GUCA1C: variants seen among roughly 807,000 people sequenced by gnomAD.
GUCA1C encodes the protein guanylate cyclase activator 1C.
In GUCA1C, 15 loss-of-function variants were observed where a neutral mutation model predicts 16.2. The ratio of observed to expected loss-of-function variants is 0.93; its 90% CI spans 0.62 to 1.43. GUCA1C has a LOEUF of 1.43. GUCA1C is among the 40% of genes most tolerant of loss of function. The probability of loss-of-function intolerance (pLI) is 0.00; values close to 1 mark genes in which losing one functional copy is unlikely to be tolerated. For missense variants in GUCA1C, 275 were observed against 244.8 expected (o/e 1.12, Z -0.82); for synonymous variants, 78 against 85.4 (o/e 0.91, Z 0.48).
At chr3:108,934,806 A>ATTTT (rs1946706228) in intron 1 of GUCA1C, among the ~76,000 whole-genome samples, 1 of 79,148 alleles carries the variant, frequency 1.3e-5, no homozygotes, top group African/African-American at 4.9e-5. Context: ...TATGTTCTTG[A>ATTTT]TCTTTTTTTT....
chr3:108,918,372 A>G (rs796657014), intron 2 of GUCA1C, among the ~76,000 whole-genome samples: 7 of 152,274 alleles, frequency 4.6e-5, no homozygotes, highest in African/African-American at 1.7e-4. Flanking sequence ...TGATCTATGG[A>G]AAACACCCTA....
chr3:108,944,586 T>C (rs1417240716), intron 1 of GUCA1C, among the ~76,000 whole-genome samples: 5 of 152,200 alleles, frequency 3.3e-5, no homozygotes, highest in African/African-American at 1.2e-4. Flanking sequence ...CATGCAGTTA[T>C]GTTGTGCAGC....
At chr3:108,928,419 C>G (rs1304733307) in intron 1 of GUCA1C, among the ~76,000 whole-genome samples, 1 of 152,154 alleles carries the variant, frequency 6.6e-6, no homozygotes, top group Non-Finnish European at 1.5e-5. Context: ...CTGACAATGT[C>G]TTTTGCAGAG....
At chr3:108,952,131 C>T (rs1242281076) in intron 1 of GUCA1C, among the ~76,000 whole-genome samples, 3 of 152,178 alleles carry the variant, frequency 2.0e-5, no homozygotes, top group African/African-American at 7.2e-5. Context: ...GACTTTCATC[C>T]TGATATTGGG....
At chr3:108,952,320 T>C (rs2593928) in intron 1 of GUCA1C, among the ~76,000 whole-genome samples, 53,315 of 151,936 alleles carry the variant, frequency 0.35, 9,822 homozygotes, top group Middle Eastern at 0.5. Context: ...GCGGAATCTG[T>C]CACATTTTCC....
At chr3:108,930,117 G>A (rs1170018075) in intron 1 of GUCA1C, among the ~76,000 whole-genome samples, 1 of 152,192 alleles carries the variant, frequency 6.6e-6, no homozygotes, top group Non-Finnish European at 1.5e-5. Flanking sequence ...AAGGTGGCCA[G>A]CTCTAGGGAG....
At chr3:108,932,835 T>C (rs1946683472) in intron 1 of GUCA1C, among the ~76,000 whole-genome samples, 1 of 136,856 alleles carries the variant, frequency 7.3e-6, no homozygotes, top group African/African-American at 2.8e-5. Flanking sequence ...GCAGGAGAAA[T>C]GGCTTGAACC....
At chr3:108,950,755 T>A (rs1946889017) in intron 1 of GUCA1C, among the ~76,000 whole-genome samples, 1 of 152,156 alleles carries the variant, frequency 6.6e-6, no homozygotes, top group South Asian at 2.1e-4. Flanking sequence ...CAAAAGCTCA[T>A]TAATATTATA....
At chr3:108,954,800 G>T (rs751792621), upstream of GUCA1C, among the ~76,000 whole-genome samples, 15 of 143,352 alleles carry the variant, frequency 1.0e-4, no homozygotes, top group Non-Finnish European at 1.8e-4. Context: ...GCAGTGGCAT[G>T]ATCTCAGCTC....
At chr3:108,926,778 C>T (rs901305258) in intron 1 of GUCA1C, among the ~76,000 whole-genome samples, 1 of 151,494 alleles carries the variant, frequency 6.6e-6, no homozygotes, top group African/African-American at 2.4e-5. Flanking sequence ...CTATGCCCGG[C>T]CTGTTTTTTT....
chr3:108,932,052 G>C (rs1247014528), intron 1 of GUCA1C, among the ~76,000 whole-genome samples: 2 of 151,152 alleles, frequency 1.3e-5, no homozygotes, highest in Non-Finnish European at 3.0e-5. Context: ...GGGTTTCACC[G>C]TGTTAGCCAG....
chr3:108,935,906 T>G (rs970731056), intron 1 of GUCA1C, among the ~76,000 whole-genome samples: 3 of 152,112 alleles, frequency 2.0e-5, no homozygotes, highest in East Asian at 1.9e-4. Flanking sequence ...GTTCATGAGC[T>G]CCCAGAAATC....
chr3:108,922,467 G>T (rs1482024396), intron 1 of GUCA1C, among the ~76,000 whole-genome samples: 1 of 152,080 alleles, frequency 6.6e-6, no homozygotes, highest in African/African-American at 2.4e-5. Flanking sequence ...CAGTGTAAAA[G>T]TGTTCCCTTT....
At chr3:108,943,526 A>C (rs1211898935) in intron 1 of GUCA1C, among the ~76,000 whole-genome samples, 3 of 152,258 alleles carry the variant, frequency 2.0e-5, no homozygotes, top group Non-Finnish European at 4.4e-5. Context: ...GGAGATAAGG[A>C]GGGGGACTAT....
chr3:108,953,461 C>T, intron 1 of GUCA1C, 98 bp downstream of exon 1: 1 of 764,502 alleles, frequency 1.3e-6, no homozygotes, highest in Non-Finnish European at 2.2e-6. Flanking sequence ...GTGGGATGTA[C>T]ACATTTTACT....
At chr3:108,929,270 A>G (rs1946646872) in intron 1 of GUCA1C, among the ~76,000 whole-genome samples, 2 of 152,204 alleles carry the variant, frequency 1.3e-5, no homozygotes, top group Non-Finnish European at 2.9e-5. Flanking sequence ...ACTTTTGTAT[A>G]GAAAACTTTG....
chr3:108,932,226 G>A (rs1379079716), intron 1 of GUCA1C, among the ~76,000 whole-genome samples: 4 of 148,894 alleles, frequency 2.7e-5, no homozygotes, highest in African/African-American at 5.0e-5. Context: ...TGGAAATGAC[G>A]AATTCTTATT....
chr3:108,946,238 C>T (rs1009280889), intron 1 of GUCA1C, among the ~76,000 whole-genome samples: 2 of 152,228 alleles, frequency 1.3e-5, no homozygotes, highest in Non-Finnish European at 2.9e-5. Flanking sequence ...AGCGATCCTC[C>T]CACCTCAGCC....
intron 1 of GUCA1C, among the ~76,000 whole-genome samples, chr3:108,942,987 A>T (rs1158091374): frequency 1.3e-5 from 2 of 152,210 alleles, no homozygotes; most frequent in Non-Finnish European, 2.9e-5. Context: ...TGCCTAAGAG[A>T]TAGGTCACTG....
Sources: allele counts gnomAD v4.1 joint callset (sites outside exome capture counted in the v4.1 genomes callset), GRCh38; gene constraint gnomAD v4.1.1; transcripts MANE v1.5; gene names NCBI Gene and HGNC (gene_info 2026-07-23, HGNC 2026-07-21).